ARMC5: variants seen among roughly 807,000 people sequenced by gnomAD.
ARMC5 encodes armadillo repeat containing 5.
A neutral mutation model predicts 60.5 loss-of-function variants in ARMC5; 28 were observed. The observed-to-expected ratio is 0.46, with a 90% CI of 0.34 to 0.63. The LOEUF (loss-of-function observed/expected upper bound fraction) is 0.63. Ranked by LOEUF, ARMC5 falls within the 30% of genes least tolerant of loss-of-function variation. ARMC5 has a pLI of 0.01. For missense variants in ARMC5, 1,189 were observed against 1,304.9 expected, an observed-to-expected ratio of 0.91 and a Z score of 1.37; for synonymous variants, 680 against 607.3, an observed-to-expected ratio of 1.12 and a Z score of -1.76.
At position 31,466,785 on chromosome 16, in the gene ARMC5, C is replaced by T. The variant is rs758701443; in HGVS notation, c.2704C>T (p.Leu902=). ...EQCPRKRGLA[L]VGLVEAAGEE... ...GTGCCCGAGGAAGCGGGGTCTGGCC[C>T]TGGTGGGGCTTGTGGAGGCAGCAGG... The change falls in exon 6 of 6, where the codon CTG becomes TTG. Residue 902 remains leucine (L), a synonymous_variant. Coordinates refer to ENST00000268314, the MANE Select transcript of ARMC5 (RefSeq NM_001105247.2). The surrounding 1 kb of genome is among the most constrained non-coding windows in gnomAD (Gnocchi z 8.0). 9.8e-5 allele frequency: 156 copies of T among 1,584,864 alleles called. No individual in the cohort carries two copies. Among genetic ancestry groups the T allele is most frequent in the Non-Finnish European group, 1.3e-4 (149 of 1,167,124 alleles).
In ARMC5 at chr16:31,461,798, G is replaced by A. The variant is rs138520861; in HGVS notation, c.476-124G>A. The A allele has an allele frequency of 3.4e-5, 27 of 801,612 alleles. No individual in the cohort carries two copies. The African/African-American group carries it at 3.9e-4, about 12-fold the overall frequency. 49.7% of individuals were successfully genotyped at this position (801,612 alleles called of 1,614,324 possible). A position where few individuals can be genotyped will look rare whatever the true frequency, so the allele number is the denominator to read the frequency against. On this transcript the variant is annotated intron_variant, in intron 1 of 5. Coordinates refer to ENST00000268314, the MANE Select transcript of ARMC5 (RefSeq NM_001105247.2). ...GCTAGGATTACAGGCTTGAGCCACGGTGCCCTGCCGACCATTAGCCTCTTC... is the reference window on the plus strand; with the variant it reads ...GCTAGGATTACAGGCTTGAGCCACGATGCCCTGCCGACCATTAGCCTCTTC...
rs753552198 is a variant in ARMC5, at chr16:31,466,363, C to T, written c.2282C>T (p.Pro761Leu). ...HFLLDSGLQL[P>L]AQRAASATAS... Reference sequence around the variant, plus strand: ...CTGCTGGACTCAGGCCTCCAGCTCCCTGCCCAGCGAGCGGCCTCAGCCACC... The same window carrying T: ...CTGCTGGACTCAGGCCTCCAGCTCCTTGCCCAGCGAGCGGCCTCAGCCACC... Residue 761 changes from proline (P) to leucine (L), a missense_variant, in exon 6 of 6, where the codon CCT becomes CTT. By Grantham distance (98) the Pro-to-Leu change is moderately conservative (BLOSUM62 -3). Transcript: ENST00000268314. This position sits in a 1 kb window ranked among gnomAD's most constrained non-coding sequence, Gnocchi z 8.0. The T allele has an allele frequency of 6.2e-7, 1 of 1,613,324 alleles. No individual in the cohort carries two copies. The highest frequency in any genetic ancestry group is 1.1e-5 in the South Asian group (1 of 91,080).
At chr16:31,465,131 G>T in intron 4 of ARMC5, 1 of 1,613,848 alleles carries the variant, frequency 6.2e-7, no homozygotes, top group Non-Finnish European at 8.5e-7. Flanking sequence ...TCTAGATGCA[G>T]CCCCGCGCCC....
chr16:31,459,894 C>T lies in ARMC5; in HGVS notation c.370C>T (p.Arg124Cys), dbSNP rs1371280265. 2 of 1,605,912 alleles carry T rather than the reference C, an allele frequency of 1.2e-6. No individual in the cohort carries two copies. The highest frequency in any genetic ancestry group is 1.7e-6 in the Non-Finnish European group (2 of 1,179,842). ...VSSSSPTPPVRLRKTLDLALS... is the reference protein window; with the variant it reads ...VSSSSPTPPVCLRKTLDLALS... ...GTCGTCTAGTCCTACGCCGCCAGTG[C>T]GCCTGCGCAAGACGCTGGACTTGGC... is the stretch of plus-strand genomic sequence containing the variant. Residue 124 changes from arginine to cysteine, a missense_variant, in exon 1 of 6, where the codon CGC becomes TGC. By Grantham distance (180) the Arg-to-Cys change is radical. This residue lies in a region of ARMC5 where 327 missense variants were observed against 233.7 expected (regional missense o/e 1.40). Coordinates refer to ENST00000268314, the MANE Select transcript of ARMC5 (RefSeq NM_001105247.2).
chr16:31,460,078 C>A, intron 1 of ARMC5, 79 bp downstream of exon 1: 1 of 1,436,482 alleles, frequency 7.0e-7, no homozygotes, highest in South Asian at 1.2e-5. Flanking sequence ...GTCTGGAGTT[C>A]TTTGTGTCCT....
At chr16:31,465,604 C>G in intron 4 of ARMC5, 1 of 1,393,202 alleles carries the variant, frequency 7.2e-7, no homozygotes, top group South Asian at 1.7e-5. Context: ...CGTCTCTTGC[C>G]TCGGCGCCTG....
Position 31,464,691 on chromosome 16 carries a change from C to G in ARMC5, c.1668C>G (p.Thr556=), listed in dbSNP as rs746891836. The G allele has an allele frequency of 1.3e-6, 2 of 1,598,578 alleles. No homozygotes were observed. The highest frequency in any genetic ancestry group is 2.2e-5 in the South Asian group (2 of 90,954). ...PALYGLLTYV[T]GAPGPPSPRA... is the part of the protein sequence containing the mutation. ...TGTACGGCCTGCTGACCTATGTGAC[C>G]GGCGCACCGGGCCCGCCCAGCCCAC... Residue 556 remains threonine, a synonymous_variant, in exon 4 of 6, where the codon ACC becomes ACG. Coordinates refer to ENST00000268314, the MANE Select transcript of ARMC5 (RefSeq NM_001105247.2). The surrounding 1 kb of genome is among the most constrained non-coding windows in gnomAD (Gnocchi z 7.6).
chr16:31,459,722 G>C lies in ARMC5; in HGVS notation c.198G>C (p.Gly66=), dbSNP rs766121561. The change falls in exon 1 of 6, where the codon GGG becomes GGC. Residue 66 remains glycine, a synonymous_variant. Transcript: ENST00000268314. ...GGIERFRARG[G]LRPLLALLRR... is the part of the protein sequence containing the mutation. ...TCGAGCGCTTCCGGGCACGCGGCGG[G>C]CTCCGCCCCCTACTCGCGCTGCTAC... is the stretch of plus-strand genomic sequence containing the variant. The C allele has an allele frequency of 1.9e-6, 3 of 1,559,184 alleles. No individual in the cohort carries two copies. The highest frequency in any genetic ancestry group is 2.6e-6 in the Non-Finnish European group (3 of 1,163,574).
At position 31,462,676 on chromosome 16, in the gene ARMC5, C is replaced by G; in HGVS notation, c.1129C>G (p.Leu377Val). 1.2e-6 allele frequency: 2 copies of G among 1,613,772 alleles called. No individual in the cohort carries two copies. The highest frequency in any genetic ancestry group is 2.7e-5 in the African/African-American group (2 of 75,062). ...TGGTGGCTTGGATCTACTGATGGGCCTGCTGCGGGACCCTCGTGCAAGCGC... is the reference window on the plus strand; with the variant it reads ...TGGTGGCTTGGATCTACTGATGGGCGTGCTGCGGGACCCTCGTGCAAGCGC... ...DAGGLDLLMG[L>V]LRDPRASAWH... Residue 377 changes from leucine (L) to valine (V), a missense_variant, in exon 3 of 6, where the codon CTG becomes GTG. This residue lies in a region of ARMC5 where 862 missense variants were observed against 1,071.2 expected (regional missense o/e 0.80). Transcript: ENST00000268314. This position sits in a 1 kb window ranked among gnomAD's most constrained non-coding sequence, Gnocchi z 7.2.
chr16:31,459,937 A>G lies in ARMC5; in HGVS notation c.413A>G (p.Asp138Gly). 1 of 1,604,766 alleles carries G rather than the reference A, an allele frequency of 6.2e-7. No individual in the cohort carries two copies. The highest frequency in any genetic ancestry group is 8.5e-7 in the Non-Finnish European group (1 of 1,179,574). ...GACTTGGCGCTCAGCATCCTAGCCGATTGCTGTACGGAAGGGGCGTGCCGG... is the reference window on the plus strand; with the variant it reads ...GACTTGGCGCTCAGCATCCTAGCCGGTTGCTGTACGGAAGGGGCGTGCCGG... ...TLDLALSILA[D>G]CCTEGACRTE... Residue 138 changes from aspartate to glycine, a missense_variant, in exon 1 of 6, where the codon GAT becomes GGT. By Grantham distance (94) the Asp-to-Gly change is moderately conservative. This residue lies in a region of ARMC5 where 327 missense variants were observed against 233.7 expected (regional missense o/e 1.40). Transcript: ENST00000268314.
At chr16:31,458,534 G>A, upstream of ARMC5, 1 of 1,531,222 alleles carries the variant, frequency 6.5e-7, no homozygotes, top group Non-Finnish European at 8.8e-7. Flanking sequence ...CTGCCTTGGT[G>A]GTGAATGAAG....
upstream of ARMC5, chr16:31,458,821 T>G: frequency 6.5e-7 from 1 of 1,532,138 alleles, no homozygotes; most frequent in Non-Finnish European, 8.7e-7. Context: ...CGCGGCCGAC[T>G]GCGCTGCGAG....
Position 31,462,125 on chromosome 16 carries a change from C to T in ARMC5, c.584-6C>T, listed in dbSNP as rs538992748. On this transcript the variant is annotated splice_region_variant and splice_polypyrimidine_tract_variant and intron_variant, in intron 2 of 5. Coordinates refer to ENST00000268314, the MANE Select transcript of ARMC5 (RefSeq NM_001105247.2). This position sits in a 1 kb window ranked among gnomAD's most constrained non-coding sequence, Gnocchi z 7.2. ...CACCCTCTGTGCTCCCCTTTCCTGC[C>T]CTCAGGTGCTGTTCCCCTGCTTGTG... The T allele has an allele frequency of 6.2e-7, 1 of 1,611,780 alleles. No homozygotes were observed. The highest frequency in any genetic ancestry group is 1.1e-5 in the South Asian group (1 of 90,976).
At position 31,465,788 on chromosome 16, in the gene ARMC5, G is replaced by A. The variant is rs182119764; in HGVS notation, c.1865-62G>A. The A allele has an allele frequency of 1.4e-3, 2,199 of 1,597,918 alleles. 3 individuals are homozygous for A. Among genetic ancestry groups the A allele is most frequent in the Admixed American group, 5.6e-3 (329 of 58,406 alleles). On this transcript the variant is annotated intron_variant, in intron 4 of 5. Coordinates refer to ENST00000268314, the MANE Select transcript of ARMC5 (RefSeq NM_001105247.2). ...CTTCATCTCACGGGCCCAGAGCCCT[G>A]TCTCACTCACCCCACCTGTCTTAGA...
Position 31,462,377 on chromosome 16 carries a change from T to A in ARMC5, c.830T>A (p.Leu277Gln). Residue 277 changes from leucine to glutamine, a missense_variant, in exon 3 of 6, where the codon CTA becomes CAA. Physicochemically the swap from Leu to Gln is moderately radical, Grantham distance 113 (BLOSUM62 -2). Coordinates refer to ENST00000268314, the MANE Select transcript of ARMC5 (RefSeq NM_001105247.2). The surrounding 1 kb of genome is among the most constrained non-coding windows in gnomAD (Gnocchi z 7.2). ...TGCTCCCGGGCCTGTGCTGAGCAGC[T>A]AAGTCTGGGTGGGGGATTGGGCCCA... ...RGCSRACAEQ[L>Q]SLGGGLGPLV... 6.2e-7 allele frequency: 1 copy of A among 1,609,528 alleles called. No individual in the cohort carries two copies. Among genetic ancestry groups the A allele is most frequent in the Non-Finnish European group, 8.5e-7 (1 of 1,177,290 alleles).
chr16:31,462,790 C>G lies in ARMC5; in HGVS notation c.1243C>G (p.Leu415Val). The G allele has an allele frequency of 6.2e-7, 1 of 1,614,032 alleles. No homozygotes were observed. The highest frequency in any genetic ancestry group is 8.5e-7 in the Non-Finnish European group (1 of 1,180,026). ...GCTGCAGGCTCTGGGACTTGTGCCT[C>G]TCCTGGCTGGGCAGCTGTGTGGTGA... ...GRLQALGLVPLLAGQLCGEAG... is the reference protein window; with the variant it reads ...GRLQALGLVPVLAGQLCGEAG... The change falls in exon 3 of 6, where the codon CTC becomes GTC. Residue 415 changes from leucine to valine, a missense_variant. Transcript: ENST00000268314. The surrounding 1 kb of genome is among the most constrained non-coding windows in gnomAD (Gnocchi z 7.2).
Position 31,466,714 on chromosome 16 carries a change from C to A in ARMC5, c.2633C>A (p.Pro878His). The A allele has an allele frequency of 6.4e-7, 1 of 1,559,032 alleles. No individual in the cohort carries two copies. The highest frequency in any genetic ancestry group is 8.7e-7 in the Non-Finnish European group (1 of 1,152,652). ...GGTGAGGTGTTCCGCCTGGGCCGGC[C>A]CCGGCTGGCTGCCCACTGTGCCCGC... is the stretch of plus-strand genomic sequence containing the variant. ...SVGEVFRLGR[P>H]RLAAHCARWT... is the part of the protein sequence containing the mutation. The change falls in exon 6 of 6, where the codon CCC becomes CAC. Residue 878 changes from proline to histidine, a missense_variant. Coordinates refer to ENST00000268314, the MANE Select transcript of ARMC5 (RefSeq NM_001105247.2). The surrounding 1 kb of genome is among the most constrained non-coding windows in gnomAD (Gnocchi z 8.0).
At chr16:31,465,050 T>G (rs2082341304) in intron 4 of ARMC5, 163 bp downstream of exon 4, 2 of 1,613,654 alleles carry the variant, frequency 1.2e-6, no homozygotes, top group Non-Finnish European at 1.7e-6. Context: ...GGCGTTCCAG[T>G]CCCTCCATGG....
chr16:31,464,488 G>A lies in ARMC5; in HGVS notation c.1465G>A (p.Ala489Thr), dbSNP rs1596604849. The change falls in exon 4 of 6, where the codon GCC (alanine) becomes ACC (threonine). Residue 489 changes from alanine to threonine, a missense_variant. By Grantham distance (58) the Ala-to-Thr change is moderately conservative. Coordinates refer to ENST00000268314, the MANE Select transcript of ARMC5 (RefSeq NM_001105247.2). The surrounding 1 kb of genome is among the most constrained non-coding windows in gnomAD (Gnocchi z 7.6). ...EQCPPEPMEP[A>T]SPAPTPTSLR... Reference sequence around the variant, plus strand: ...GTGTCCGCCGGAGCCCATGGAGCCGGCCAGCCCCGCCCCGACCCCGACCTC... The same window carrying A: ...GTGTCCGCCGGAGCCCATGGAGCCGACCAGCCCCGCCCCGACCCCGACCTC... The A allele has an allele frequency of 2.5e-6, 4 of 1,605,814 alleles. No individual in the cohort carries two copies. Among genetic ancestry groups the A allele is most frequent in the Non-Finnish European group, 3.4e-6 (4 of 1,176,900 alleles).
Sources: gnomAD v4.1 joint callset for allele counts on GRCh38, gnomAD v4.1.1 for gene constraint, gnomAD v4.1.1 regional missense constraint, Gnocchi (gnomAD v3.1) non-coding constraint, MANE v1.5 for transcripts, NCBI Gene and HGNC (gene_info 2026-07-23, HGNC 2026-07-21) for gene names.